Variants in CARD14 observed in about 807,000 individuals in gnomAD.
CARD14 encodes caspase recruitment domain family member 14.
Under a neutral mutation model 111.5 loss-of-function variants are expected in CARD14, and 107 were observed. The observed-to-expected ratio is 0.96, with a 90% confidence interval of 0.82 to 1.13. The LOEUF (loss-of-function observed/expected upper bound fraction) is 1.13. CARD14 is among the 50% of genes most tolerant of loss of function. The pLI, the probability that CARD14 is intolerant of heterozygous loss-of-function variation, is 0.00. For synonymous variants in CARD14, 617 were observed against 579.6 expected, an observed-to-expected ratio of 1.06 and a Z score of -0.93; for missense variants, 1,322 against 1,362.3, an observed-to-expected ratio of 0.97 and a Z score of 0.47.
At chr17:80,205,272 C>T (rs1449040179) in intron 21 of CARD14, 67 bp downstream of exon 21, 4 of 1,392,126 alleles carry the variant, frequency 2.9e-6, no homozygotes, top group South Asian at 1.3e-5. Context: ...CCCTTCCTCC[C>T]TCCTTCCTCC....
chr17:80,201,724 CCTT>C lies in CARD14; in HGVS notation c.1852-17_1852-15del, dbSNP rs755607334. Reference sequence around the variant, plus strand: ...CAGAGTCCCGGGGGAAAGAGACTGACCTTCTCGACTTGCCCTCAGGTTGATTAC... The same window carrying C: ...CAGAGTCCCGGGGGAAAGAGACTGACCTCGACTTGCCCTCAGGTTGATTAC... On this transcript the variant is annotated splice_polypyrimidine_tract_variant and intron_variant, in intron 16 of 23. Transcript: ENST00000648509. This position sits in a 1 kb window ranked among gnomAD's most constrained non-coding sequence, Gnocchi z 5.0. The C allele has an allele frequency of 2.5e-5, 40 of 1,613,620 alleles. No homozygotes were observed. The highest frequency in any genetic ancestry group is 4.2e-6 in the Non-Finnish European group (5 of 1,179,834).
chr17:80,201,862 A>G lies in CARD14; in HGVS notation c.1970A>G (p.Asn657Ser), dbSNP rs770585235. ...DGFCCLSVKVNTDGYKRLLQD... is the reference protein window; with the variant it reads ...DGFCCLSVKVSTDGYKRLLQD... ...TTCTGCTGCCTGTCTGTGAAGGTCA[A>G]CACGGACGGTACACATACCACTCCT... Residue 657 changes from asparagine to serine, a missense_variant, in exon 17 of 24, where the codon AAC (asparagine) becomes AGC (serine). By Grantham distance (46) the Asn-to-Ser change is conservative. Transcript: ENST00000648509. This position sits in a 1 kb window ranked among gnomAD's most constrained non-coding sequence, Gnocchi z 5.0. 41 of 1,613,010 alleles carry G rather than the reference A, an allele frequency of 2.5e-5. No homozygotes were observed. The highest frequency in any genetic ancestry group is 3.4e-5 in the Non-Finnish European group (40 of 1,179,488).
rs1364753487 is a variant in CARD14, at chr17:80,207,048, C to A, written c.2770C>A (p.His924Asn). 6.2e-6 allele frequency: 10 copies of A among 1,613,886 alleles called. No individual in the cohort carries two copies. The highest frequency in any genetic ancestry group is 1.3e-5 in the African/African-American group (1 of 74,926). The change falls in exon 23 of 24, where the codon CAC becomes AAC. Residue 924 changes from histidine to asparagine, a missense_variant. By Grantham distance (68) the His-to-Asn change is moderately conservative. Transcript: ENST00000648509. ...HRMDIFPIVIHVSVNEKMAKK... is the reference protein window; with the variant it reads ...HRMDIFPIVINVSVNEKMAKK... ...GATGGACATCTTCCCCATCGTCATC[C>A]ACGTCTCTGTCAACGAGAAGATGGC...
chr17:80,180,892 A>G (rs1384162375), intron 4 of CARD14, among the ~76,000 whole-genome samples: 1 of 152,092 alleles, frequency 6.6e-6, no homozygotes, highest in East Asian at 1.9e-4. Context: ...CCTCCTAAGT[A>G]GCTGGGATTG....
At position 80,198,854 on chromosome 17, in the gene CARD14, G is replaced by C. The variant is rs567186292; in HGVS notation, c.1851+263G>C. 172 of 1,456,152 alleles carry C rather than the reference G, an allele frequency of 1.2e-4. 3 individuals carry two copies. The South Asian group carries it at 2.4e-3, about 20-fold the overall frequency. The allele number at this position is 1,456,152 out of a possible 1,614,324, so 90.2% of individuals were successfully genotyped here. On this transcript the variant is annotated intron_variant, in intron 16 of 23. Transcript: ENST00000648509. This position sits in a 1 kb window ranked among gnomAD's most constrained non-coding sequence, Gnocchi z 7.5. The stretch of plus-strand genomic sequence containing the variant: ...GTCTTTGCATGAGGCCCCTTGACAG[G>C]GCTGCTCTGGGTGGTCACTTTGGGT...
Position 80,198,524 on chromosome 17 carries a change from T to A in CARD14, c.1784T>A (p.Ile595Asn). ...GGCGGGAACCTCACGGGCATCTTCA[T>A]CCACCGGGTCACCCCGGGCTCGGCG... Reference protein sequence around the residue: ...VIGGNLTGIFIHRVTPGSAAD... With the variant: ...VIGGNLTGIFNHRVTPGSAAD... Residue 595 changes from isoleucine to asparagine, a missense_variant, in exon 16 of 24, where the codon ATC becomes AAC. Coordinates refer to ENST00000648509, the MANE Select transcript of CARD14 (RefSeq NM_001366385.1). The surrounding 1 kb of genome is among the most constrained non-coding windows in gnomAD (Gnocchi z 7.5). 1 of 1,613,254 alleles carries A rather than the reference T, an allele frequency of 6.2e-7. No individual in the cohort carries two copies. The highest frequency in any genetic ancestry group is 8.5e-7 in the Non-Finnish European group (1 of 1,179,916).
At position 80,181,478 on chromosome 17, in the gene CARD14, C is replaced by G. The variant is rs1598634057; in HGVS notation, c.40C>G (p.Leu14Val). 6.3e-7 allele frequency: 1 copy of G among 1,588,662 alleles called. No individual in the cohort carries two copies. The highest frequency in any genetic ancestry group is 8.6e-7 in the Non-Finnish European group (1 of 1,166,976). ...CCGCAGGGACTCCGCACTCACGGCA[C>G]TGGACGAGGAGACACTGTGGGAGAT... is the stretch of plus-strand genomic sequence containing the variant. ...LCRRDSALTA[L>V]DEETLWEMME... is the part of the protein sequence containing the mutation. The change falls in exon 5 of 24, where the codon CTG (leucine) becomes GTG (valine). Residue 14 changes from leucine to valine, a missense_variant. By Grantham distance (32) the Leu-to-Val change is conservative. Coordinates refer to ENST00000648509, the MANE Select transcript of CARD14 (RefSeq NM_001366385.1).
At chr17:80,197,179 G>C (rs1159680744) in intron 14 of CARD14, 2 of 152,022 alleles carry the variant, frequency 1.3e-5, no homozygotes, top group African/African-American at 4.8e-5. Context: ...CCTGGCGACA[G>C]AGCGAGACTC....
At chr17:80,205,464 T>A in intron 21 of CARD14, 67 bp from the exon 22 acceptor site, 1 of 1,549,302 alleles carries the variant, frequency 6.5e-7, no homozygotes, top group East Asian at 2.4e-5. Flanking sequence ...CAGGGGTGTT[T>A]ACCATGGGAC....
At position 80,189,854 on chromosome 17, in the gene CARD14, C is replaced by T. The variant is rs1458847947; in HGVS notation, c.945C>T (p.Ala315=). ...IHSLRERAVA[A]ERQREQYWEE... ...CGCTGCGGGAGCGGGCCGTGGCTGC[C>T]GAGAGGCAGCGAGAGCAGGTGCCGT... Residue 315 remains alanine (A), a synonymous_variant, in exon 9 of 24, where the codon GCC becomes GCT. Transcript: ENST00000648509. The surrounding 1 kb of genome is among the most constrained non-coding windows in gnomAD (Gnocchi z 4.7). 5 of 1,591,858 alleles carry T rather than the reference C, an allele frequency of 3.1e-6. No homozygotes were observed. Among genetic ancestry groups the T allele is most frequent in the Admixed American group, 1.8e-5 (1 of 55,432 alleles).
At chr17:80,184,982 G>C (rs1440793667) in intron 7 of CARD14, among the ~76,000 whole-genome samples, 1 of 152,200 alleles carries the variant, frequency 6.6e-6, no homozygotes, top group Non-Finnish European at 1.5e-5. Flanking sequence ...TGATTGGTAA[G>C]GCTTCTCAAA....
In CARD14 at chr17:80,188,059, C is replaced by A; in HGVS notation, c.676-318C>A. ...CCAGGGAGCATGCTGGCCATCACTG[C>A]CGGCTGCTCAGCTGTAGAGATCCAG... On this transcript the variant is annotated intron_variant, in intron 7 of 23. Coordinates refer to ENST00000648509, the MANE Select transcript of CARD14 (RefSeq NM_001366385.1). The surrounding 1 kb of genome is among the most constrained non-coding windows in gnomAD (Gnocchi z 4.5). 1 of 761,480 alleles carries A rather than the reference C, an allele frequency of 1.3e-6. No individual in the cohort carries two copies. Among genetic ancestry groups the A allele is most frequent in the Non-Finnish European group, 1.6e-6 (1 of 614,706 alleles). The allele number at this position is 761,480 out of a possible 1,614,324, so 47.2% of individuals were successfully genotyped here.
Position 80,184,128 on chromosome 17 carries a change from C to T in CARD14, c.565C>T (p.His189Tyr). 1 of 1,571,926 alleles carries T rather than the reference C, an allele frequency of 6.4e-7. No individual in the cohort carries two copies. Among genetic ancestry groups the T allele is most frequent in the South Asian group, 1.2e-5 (1 of 85,546 alleles). The part of the protein sequence containing the change: ...RMKREVSAHF[H>Y]EVLRLKDEML... ...GAAGCGTGAGGTTAGCGCACACTTC[C>T]ATGAGGTGCTGAGGCTGAAGGACGA... Residue 189 changes from histidine (H) to tyrosine (Y), a missense_variant, in exon 7 of 24, where the codon CAT becomes TAT. Coordinates refer to ENST00000648509, the MANE Select transcript of CARD14 (RefSeq NM_001366385.1).
intron 1 of CARD14, among the ~76,000 whole-genome samples, chr17:80,171,107 C>T (rs1415177238): frequency 1.3e-5 from 2 of 150,674 alleles, no homozygotes; most frequent in Admixed American, 6.6e-5. Flanking sequence ...TCCCAAAGTG[C>T]TGGGATTACG....
intron 12 of CARD14, among the ~76,000 whole-genome samples, chr17:80,194,884 A>G (rs186823680): frequency 6.6e-6 from 1 of 152,314 alleles, no homozygotes; most frequent in Admixed American, 6.5e-5. Flanking sequence ...CGGCCAAACT[A>G]TATCACTTTA....
chr17:80,170,277 T>G (rs557457923), intron 1 of CARD14: 56 of 152,274 alleles, frequency 3.7e-4, no homozygotes, highest in African/African-American at 1.3e-3. Flanking sequence ...ACTGGAACAT[T>G]CTCTGAATGC....
At chr17:80,190,321 AGAGACGAGC>A (rs2040481494) in intron 9 of CARD14, among the ~76,000 whole-genome samples, 2 of 152,200 alleles carry the variant, frequency 1.3e-5, no homozygotes, top group East Asian at 1.9e-4. Flanking sequence ...CTAGCACTTA[AGAGACGAGC>A]GAGGCCGGGC....
intron 11 of CARD14, 194 bp from the exon 12 acceptor site, chr17:80,192,309 G>A (rs1161451402): frequency 1.8e-6 from 1 of 552,644 alleles, no homozygotes; most frequent in Admixed American, 3.2e-5. Flanking sequence ...GTTTCTTTCA[G>A]TCTCTTTGAT....
At position 80,173,069 on chromosome 17, in the gene CARD14, TG is replaced by T. The variant is rs1158363892; in HGVS notation, c.-522del. On this transcript the variant is annotated 5_prime_UTR_variant, in exon 2 of 24. An upstream open reading frame in the 5' UTR loses its in-frame stop. Coordinates refer to ENST00000648509, the MANE Select transcript of CARD14 (RefSeq NM_001366385.1). The stretch of plus-strand genomic sequence containing the variant: ...CTAATTTTTCTATTTCTAGTAGAAA[TG>T]GGGTTTCACCATGTTGGCAGGCTGG... The T allele has an allele frequency of 1.3e-5, 2 of 152,654 alleles. No individual in the cohort carries two copies. The highest frequency in any genetic ancestry group is 4.8e-5 in the African/African-American group (2 of 41,240). The allele number at this position is 152,654 out of a possible 1,614,324, so 9.5% of individuals were successfully genotyped here.
Sources: gnomAD v4.1 joint callset for allele counts (sites outside exome capture counted in the v4.1 genomes callset) on GRCh38, gnomAD v4.1.1 for gene constraint, Gnocchi (gnomAD v3.1) non-coding constraint, MANE v1.5 for transcripts, NCBI Gene and HGNC (gene_info 2026-07-23, HGNC 2026-07-21) for gene names.